The following GALNTL6 variants were observed in gnomAD, a reference collection of about 807,000 sequenced individuals.
GALNTL6 encodes the protein polypeptide N-acetylgalactosaminyltransferase-like 6.
Under a neutral mutation model 73.7 loss-of-function variants are expected in GALNTL6, and 46 were observed. The ratio of observed to expected loss-of-function variants is 0.62; its 90% CI spans 0.49 to 0.80. GALNTL6 has a LOEUF of 0.80. Among genes scored for constraint, GALNTL6 ranks in the 30% least tolerant of loss-of-function variants. The pLI, the probability that GALNTL6 is intolerant of heterozygous loss-of-function variation, is 0.00. For synonymous variants in GALNTL6, 259 were observed against 263.7 expected, an observed-to-expected ratio of 0.98 and a Z score of 0.17; for missense variants, 604 against 755.0, an observed-to-expected ratio of 0.80 and a Z score of 2.34.
intron 5 of GALNTL6, among the ~76,000 whole-genome samples, chr4:172,805,259 C>T (rs1379947235): frequency 6.6e-6 from 1 of 151,960 alleles, no homozygotes; most frequent in Non-Finnish European, 1.5e-5. Flanking sequence ...TAGTTGCTTC[C>T]CTAAACACTA....
intron 7 of GALNTL6, among the ~76,000 whole-genome samples, chr4:172,862,034 G>T (rs56158050): frequency 0.073 from 11,120 of 152,254 alleles, 577 homozygotes; most frequent in African/African-American, 0.14. Flanking sequence ...ACAGGCAGAG[G>T]TTGGAACTGT....
chr4:172,097,590 A>G (rs1269604736), intron 2 of GALNTL6, among the ~76,000 whole-genome samples: 4 of 152,158 alleles, frequency 2.6e-5, no homozygotes, highest in Admixed American at 2.6e-4. Context: ...ATTCAAAGAA[A>G]CAGAAACCAT....
At chr4:172,687,796 G>C (rs1324101709) in intron 5 of GALNTL6, among the ~76,000 whole-genome samples, 1 of 152,104 alleles carries the variant, frequency 6.6e-6, no homozygotes, top group African/African-American at 2.4e-5. Context: ...CTTTGGGCTG[G>C]GGAAAAGCCC....
chr4:172,127,649 G>A (rs1376426535), intron 2 of GALNTL6, among the ~76,000 whole-genome samples: 1 of 152,184 alleles, frequency 6.6e-6, no homozygotes, highest in Admixed American at 6.5e-5. Context: ...TGAAGTATAT[G>A]GGTATTTTGC....
intron 2 of GALNTL6, among the ~76,000 whole-genome samples, chr4:171,847,160 G>A (rs1735396838): frequency 6.6e-6 from 1 of 151,888 alleles, no homozygotes; most frequent in African/African-American, 2.4e-5. Context: ...GTATCTTGGA[G>A]ATATTGCAGA....
intron 10 of GALNTL6, among the ~76,000 whole-genome samples, chr4:172,970,579 C>A (rs772172427): frequency 1.3e-5 from 2 of 152,220 alleles, no homozygotes; most frequent in Non-Finnish European, 2.9e-5. Flanking sequence ...TCTGCCCAAC[C>A]CTGCAGGCAG....
intron 2 of GALNTL6, among the ~76,000 whole-genome samples, chr4:172,219,199 G>GTGTATATATATATATA (rs1310041553): frequency 1.1e-4 from 13 of 116,210 alleles, no homozygotes; most frequent in African/African-American, 4.3e-4. Context: ...TTAAGCAAGT[G>GTGTATATATATATATA]TATATATATA....
rs1003252892 is a variant in GALNTL6 at position 172,973,472 on chromosome 4, A to G, written c.1371+21214A>G. ...TAGAATGTAGGAATCTAATTTAGTC[A>G]ATAAGTCCGTGGCAGAGAGAAAAGA... On this transcript the variant is annotated intron_variant, in intron 10 of 12. Transcript: ENST00000506823. 3.3e-5 allele frequency among the ~76,000 whole-genome samples: 5 copies of G among 152,206 alleles called. No individual in the cohort carries two copies. The East Asian group carries it at 9.6e-4, about 29-fold the overall frequency.
chr4:172,932,141 A>G (rs1231847936), intron 9 of GALNTL6, among the ~76,000 whole-genome samples: 1 of 152,222 alleles, frequency 6.6e-6, no homozygotes, highest in Non-Finnish European at 1.5e-5. Flanking sequence ...TCTTTTATAT[A>G]AGGCTCACAT....
intron 2 of GALNTL6, among the ~76,000 whole-genome samples, chr4:171,965,103 C>T (rs1192501137): frequency 6.6e-6 from 1 of 152,172 alleles, no homozygotes; most frequent in Non-Finnish European, 1.5e-5. Context: ...CCTTAGAATG[C>T]AATCCTTTTG....
At chr4:173,034,944 A>G (rs1408970616) in intron 12 of GALNTL6, among the ~76,000 whole-genome samples, 1 of 152,076 alleles carries the variant, frequency 6.6e-6, no homozygotes, top group Non-Finnish European at 1.5e-5. Context: ...CAGGTGCCCA[A>G]TATATTTTTT....
chr4:171,983,935 CTTCCCCT>C (rs1739990339), intron 2 of GALNTL6, among the ~76,000 whole-genome samples: 1 of 152,156 alleles, frequency 6.6e-6, no homozygotes, highest in Non-Finnish European at 1.5e-5. Flanking sequence ...TTTTGCACCC[CTTCCCCT>C]AGTGTGGGCC....
intron 2 of GALNTL6, among the ~76,000 whole-genome samples, chr4:171,998,353 C>A (rs937716447): frequency 2.6e-5 from 4 of 152,040 alleles, no homozygotes; most frequent in Non-Finnish European, 4.4e-5. Context: ...AGGTTGGCTT[C>A]CTTTGAGGCC....
rs527627125 is a variant in GALNTL6, at chr4:172,466,909, A to T, written c.553+118220A>T. ...AGGTTTCGAATCTTACGAGATTTGC[A>T]TTTACATTTCACTTTGCTGCACAGT... On this transcript the variant is annotated intron_variant, in intron 5 of 12. Transcript: ENST00000506823. Among the ~76,000 whole-genome samples the T allele has an allele frequency of 7.1e-4, 100 of 141,334 alleles. 1 individual carries two copies. The South Asian group carries it at 0.02, about 28-fold the overall frequency. The allele number at this position is 141,334 out of a possible 152,430, so 92.7% of individuals were successfully genotyped here. A position where few individuals can be genotyped will look rare whatever the true frequency, so the allele number is the denominator to read the frequency against.
intron 5 of GALNTL6, among the ~76,000 whole-genome samples, chr4:172,800,529 C>T (rs1450875040): frequency 6.6e-6 from 1 of 152,108 alleles, no homozygotes. Context: ...TACTGAACCA[C>T]CAACTTTGTG....
chr4:172,700,483 C>T (rs1733964286), intron 5 of GALNTL6, among the ~76,000 whole-genome samples: 1 of 152,156 alleles, frequency 6.6e-6, no homozygotes, highest in Non-Finnish European at 1.5e-5. Context: ...ACTGAACACA[C>T]TGCTGCCAGC....
At chr4:172,115,402 G>C (rs1015078291) in intron 2 of GALNTL6, among the ~76,000 whole-genome samples, 1 of 152,080 alleles carries the variant, frequency 6.6e-6, no homozygotes, top group Non-Finnish European at 1.5e-5. Flanking sequence ...ATATAAAATA[G>C]CTTAGTGAAG....
intron 7 of GALNTL6, among the ~76,000 whole-genome samples, chr4:172,880,054 C>T (rs1488971697): frequency 6.6e-6 from 1 of 151,944 alleles, no homozygotes; most frequent in African/African-American, 2.4e-5. Context: ...ACACTGCTTC[C>T]AGGAATAGAA....
At chr4:172,163,156 G>A (rs1385366799) in intron 2 of GALNTL6, among the ~76,000 whole-genome samples, 5 of 151,872 alleles carry the variant, frequency 3.3e-5, no homozygotes, top group African/African-American at 4.8e-5. Flanking sequence ...TTATTTATTT[G>A]GATCTATTCA....
Sources: allele counts gnomAD v4.1 joint callset (sites outside exome capture counted in the v4.1 genomes callset), GRCh38; gene constraint gnomAD v4.1.1; transcripts MANE v1.5; gene names NCBI Gene and HGNC (gene_info 2026-07-23, HGNC 2026-07-21).